The following NCOA4 variants were observed in gnomAD, a reference collection of about 807,000 sequenced individuals.
NCOA4 encodes 70 kDa AR-activator.
NCOA4 carries 31 observed loss-of-function variants against 69.5 expected under a neutral mutation model. That is an observed-to-expected ratio of 0.45 (90% CI 0.34 to 0.60). The LOEUF is 0.60. NCOA4 is among the 20% of genes least tolerant of loss of function. NCOA4 has a pLI of 0.02. For synonymous variants in NCOA4, 228 were observed against 252.4 expected (o/e 0.90, Z 0.92); for missense variants, 600 against 719.2 (o/e 0.83, Z 1.90).
At chr10:46,011,650 A>G (rs1168064378) in intron 7 of NCOA4, among the ~76,000 whole-genome samples, 1 of 152,138 alleles carries the variant, frequency 6.6e-6, no homozygotes, top group Admixed American at 6.5e-5. Flanking sequence ...GGATTTCTCT[A>G]TTTAGATACT....
At chr10:46,007,182 G>A (rs1280360916) in intron 9 of NCOA4, among the ~76,000 whole-genome samples, 2 of 152,210 alleles carry the variant, frequency 1.3e-5, no homozygotes, top group African/African-American at 4.8e-5. Context: ...CTGATATGGA[G>A]AAAGTTTTAG....
intron 1 of NCOA4, chr10:46,023,186 C>T: frequency 1.3e-6 from 1 of 778,516 alleles, no homozygotes; most frequent in African/African-American, 1.9e-5. Context: ...CAAGCGGCCT[C>T]AGGAGCCCTT....
chr10:46,024,905 G>A (rs190631527), intron 1 of NCOA4, among the ~76,000 whole-genome samples: 23 of 152,254 alleles, frequency 1.5e-4, no homozygotes, highest in Non-Finnish European at 2.8e-4. Flanking sequence ...AGGCAATAAG[G>A]CTCCTGAGTT....
intron 7 of NCOA4, among the ~76,000 whole-genome samples, chr10:46,011,410 G>GGCGCCCACCACC (rs1443349896): frequency 6.6e-6 from 1 of 150,896 alleles, no homozygotes; most frequent in Non-Finnish European, 1.5e-5. Flanking sequence ...TGGGACTATA[G>GGCGCCCACCACC]GCGCCCACCA....
intron 1 of NCOA4, among the ~76,000 whole-genome samples, chr10:46,017,203 T>A (rs1265351191): frequency 1.3e-5 from 2 of 152,202 alleles, no homozygotes; most frequent in African/African-American, 4.8e-5. Context: ...AACTTTTTTT[T>A]TTATTTAGGA....
Position 46,010,574 on chromosome 10 carries a change from C to T in NCOA4, c.1347G>A (p.Glu449=), listed in dbSNP as rs1554921041. The part of the protein sequence containing the change: ...KNGMPVEPKP[E]PEKHKDSLNM... The stretch of plus-strand genomic sequence containing the variant: ...TCAGGGAATCTTTATGCTTCTCAGG[C>T]TCAGGTTTGGGTTCCACAGGCATCC... The change falls in exon 8 of 10, where the codon GAG becomes GAA. Residue 449 remains glutamate (E), a synonymous_variant. Transcript: ENST00000581486. 1 of 1,614,186 alleles carries T rather than the reference C, an allele frequency of 6.2e-7. No individual in the cohort carries two copies. The highest frequency in any genetic ancestry group is 2.2e-5 in the East Asian group (1 of 44,886).
intron 1 of NCOA4, chr10:46,019,347 G>A: frequency 1.0e-6 from 1 of 985,426 alleles, no homozygotes; most frequent in Non-Finnish European, 1.2e-6. Flanking sequence ...TGAAATGCCG[G>A]CTCCGATTTG....
intron 7 of NCOA4, among the ~76,000 whole-genome samples, chr10:46,012,241 T>C (rs1839279270): frequency 6.6e-6 from 1 of 152,126 alleles, no homozygotes; most frequent in Admixed American, 6.5e-5. Context: ...CCCTGAATAT[T>C]CTGCTGGTGA....
At position 46,015,280 on chromosome 10, in the gene NCOA4, A is replaced by C. The variant is rs1204743296; in HGVS notation, c.142-14T>G. 1.3e-6 allele frequency: 2 copies of C among 1,540,246 alleles called. No individual in the cohort carries two copies. Among genetic ancestry groups the C allele is most frequent in the African/African-American group, 2.8e-5 (2 of 71,284 alleles). On this transcript the variant is annotated splice_polypyrimidine_tract_variant and intron_variant, in intron 2 of 9. Transcript: ENST00000581486. ...CTGAGCTTTGACCTAGGAAACACAT[A>C]CATGTTAGCTTCCTAGTGTTAATCC...
intron 2 of NCOA4, 124 bp downstream of exon 2, chr10:46,016,416 A>G: frequency 2.4e-6 from 2 of 818,772 alleles, no homozygotes; most frequent in Non-Finnish European, 3.5e-6. Context: ...ACGGGGACCA[A>G]GTAGACCACG....
At chr10:46,030,354 CG>C (rs1162643519) in intron 1 of NCOA4, among the ~76,000 whole-genome samples, 171 bp downstream of exon 1, 4 of 150,176 alleles carry the variant, frequency 2.7e-5, no homozygotes, top group Non-Finnish European at 4.4e-5. Flanking sequence ...AAGACAGGCC[CG>C]GGCCCGGCGG....
intron 1 of NCOA4, among the ~76,000 whole-genome samples, chr10:46,021,426 G>C (rs1484521296): frequency 2.0e-5 from 3 of 152,200 alleles, no homozygotes; most frequent in African/African-American, 7.2e-5. Flanking sequence ...GTAAGATTTG[G>C]GTTTAGAACT....
At chr10:46,009,810 A>C (rs551802224) in intron 8 of NCOA4, among the ~76,000 whole-genome samples, 1 of 152,284 alleles carries the variant, frequency 6.6e-6, no homozygotes, top group East Asian at 1.9e-4. Context: ...CTCCATTCCA[A>C]ATTTAGTATT....
intron 1 of NCOA4, among the ~76,000 whole-genome samples, chr10:46,023,677 T>C (rs1412447458): frequency 6.6e-6 from 1 of 152,190 alleles, no homozygotes; most frequent in African/African-American, 2.4e-5. Context: ...GGGGCTCCTC[T>C]CCAGCCTCTC....
intron 7 of NCOA4, among the ~76,000 whole-genome samples, chr10:46,011,628 C>T (rs782549588): frequency 2.6e-5 from 4 of 151,996 alleles, no homozygotes; most frequent in Non-Finnish European, 5.9e-5. Flanking sequence ...GTACACAAAG[C>T]CAAAAGGCAA....
intron 1 of NCOA4, among the ~76,000 whole-genome samples, chr10:46,028,155 C>G (rs933826438): frequency 4.6e-5 from 7 of 152,096 alleles, no homozygotes; most frequent in Admixed American, 2.6e-4. Context: ...TATCCTCGAG[C>G]CCAGGCCTTC....
chr10:46,013,622 C>A lies in NCOA4; in HGVS notation c.498G>T (p.Leu166Phe). The A allele has an allele frequency of 6.2e-7, 1 of 1,612,234 alleles. No homozygotes were observed. The highest frequency in any genetic ancestry group is 1.3e-5 in the African/African-American group (1 of 75,008). ...TATTTGCTGAACTAGCATGAGCCATCAAGTGCTCAGGAATTTGCTACAAAA... is the reference window on the plus strand; with the variant it reads ...TATTTGCTGAACTAGCATGAGCCATAAAGTGCTCAGGAATTTGCTACAAAA... ...SLKTIQIPEHLMAHASSANIG... is the reference protein window; with the variant it reads ...SLKTIQIPEHFMAHASSANIG... The change falls in exon 6 of 10, where the codon TTG (leucine) becomes TTT (phenylalanine). Residue 166 changes from leucine to phenylalanine, a missense_variant. By Grantham distance (22) the Leu-to-Phe change is conservative. Transcript: ENST00000581486.
At chr10:46,028,143 G>A (rs1446438933) in intron 1 of NCOA4, among the ~76,000 whole-genome samples, 1 of 152,104 alleles carries the variant, frequency 6.6e-6, no homozygotes. Flanking sequence ...CTTTCCTCCA[G>A]GTATCCTCGA....
At chr10:46,029,778 T>C (rs1554926187) in intron 1 of NCOA4, among the ~76,000 whole-genome samples, 1 of 152,230 alleles carries the variant, frequency 6.6e-6, no homozygotes, top group Non-Finnish European at 1.5e-5. Context: ...AAGATTATGA[T>C]TATTGTTTTC....
Sources: allele counts gnomAD v4.1 joint callset (sites outside exome capture counted in the v4.1 genomes callset), GRCh38; gene constraint gnomAD v4.1.1; transcripts MANE v1.5; gene names NCBI Gene and HGNC (gene_info 2026-07-23, HGNC 2026-07-21).